RNF24: variants seen among roughly 807,000 people sequenced by gnomAD.
RNF24 encodes ring finger protein 24.
In RNF24, 14 loss-of-function variants were observed where a neutral mutation model predicts 20.0. The observed-to-expected ratio is 0.70, with a 90% CI of 0.46 to 1.10. RNF24 has a LOEUF of 1.10. Among genes scored for constraint, RNF24 ranks in the 50% least tolerant of loss-of-function variants. The pLI, the probability that RNF24 is intolerant of heterozygous loss-of-function variation, is 0.00. For missense variants in RNF24, 124 were observed against 177.6 expected (o/e 0.70, Z 1.71); for synonymous variants, 45 against 61.1 (o/e 0.74, Z 1.23).
chr20:3,929,266 T>C lies in RNF24; in HGVS notation c.*4797A>G, dbSNP rs988956649. On this transcript the variant is annotated 3_prime_UTR_variant, in exon 6 of 6. Coordinates refer to ENST00000358395, the MANE Select transcript of RNF24 (RefSeq NM_001134337.3). ...AATAATTACGAAAATTAGCCAGGTG[T>C]GCTGGTGTGCACCTGTAGACGCAGC... The C allele has an allele frequency of 6.6e-6, 1 of 152,304 alleles. No homozygotes were observed. Among genetic ancestry groups the C allele is most frequent in the Non-Finnish European group, 1.5e-5 (1 of 68,114 alleles). The allele number at this position is 152,304 out of a possible 1,614,324, so 9.4% of individuals were successfully genotyped here. A position where few individuals can be genotyped will look rare whatever the true frequency, so the allele number is the denominator to read the frequency against.
At chr20:3,980,657 C>T (rs77378223) in intron 1 of RNF24, among the ~76,000 whole-genome samples, 1,545 of 152,106 alleles carry the variant, frequency 0.01, 17 homozygotes, top group African/African-American at 0.035. Flanking sequence ...GGAAAGCATC[C>T]CAACTCATTT....
At chr20:3,980,559 T>C (rs1979292880) in intron 1 of RNF24, among the ~76,000 whole-genome samples, 1 of 152,186 alleles carries the variant, frequency 6.6e-6, no homozygotes, top group South Asian at 2.1e-4. Context: ...AGACTACAGT[T>C]GACCATGAGT....
intron 1 of RNF24, among the ~76,000 whole-genome samples, chr20:4,014,803 G>A (rs1360038213): frequency 6.6e-6 from 1 of 150,752 alleles, no homozygotes; most frequent in Non-Finnish European, 1.5e-5. Flanking sequence ...AAACAAAGGA[G>A]GGTCCTTAAT....
At chr20:3,952,816 ATATTG>A in intron 2 of RNF24, among the ~76,000 whole-genome samples, 1 of 152,286 alleles carries the variant, frequency 6.6e-6, no homozygotes, top group African/African-American at 2.4e-5. Flanking sequence ...TTAATGTGCT[ATATTG>A]TATTGATTGC....
intron 4 of RNF24, among the ~76,000 whole-genome samples, chr20:3,942,898 C>A (rs2090974528): frequency 6.6e-6 from 1 of 151,768 alleles, no homozygotes; most frequent in Admixed American, 6.6e-5. Flanking sequence ...CTCACTGCAA[C>A]CTCTGCCTCC....
chr20:3,968,956 TA>T (rs1349048294), intron 1 of RNF24, among the ~76,000 whole-genome samples: 1 of 152,124 alleles, frequency 6.6e-6, no homozygotes, highest in Admixed American at 6.5e-5. Context: ...AGATTTATCC[TA>T]GGCCATGAGT....
intron 1 of RNF24, among the ~76,000 whole-genome samples, chr20:4,014,589 G>T (rs1982728375): frequency 6.6e-6 from 1 of 152,104 alleles, no homozygotes; most frequent in Non-Finnish European, 1.5e-5. Flanking sequence ...AAACCCACTG[G>T]TTTTACAGTG....
intron 1 of RNF24, among the ~76,000 whole-genome samples, chr20:3,986,892 G>A (rs187915685): frequency 5.7e-4 from 86 of 151,976 alleles, no homozygotes; most frequent in Non-Finnish European, 9.7e-4. Flanking sequence ...CTCGTGATCC[G>A]CCCACCTTGG....
intron 1 of RNF24, among the ~76,000 whole-genome samples, chr20:3,980,782 AT>A (rs1979312546): frequency 6.6e-6 from 1 of 152,112 alleles, no homozygotes; most frequent in South Asian, 2.1e-4. Context: ...CCTGTACAAA[AT>A]TTTAAAGATT....
chr20:3,947,920 C>T (rs1247434014), intron 3 of RNF24, among the ~76,000 whole-genome samples: 1 of 151,982 alleles, frequency 6.6e-6, no homozygotes, highest in East Asian at 1.9e-4. Flanking sequence ...GTGGCGCATG[C>T]CTGTAATCCC....
At chr20:3,965,220 A>C (rs994500158) in intron 1 of RNF24, among the ~76,000 whole-genome samples, 4 of 152,188 alleles carry the variant, frequency 2.6e-5, no homozygotes, top group Admixed American at 2.6e-4. Flanking sequence ...ATCCAAACCC[A>C]AACAAAACTC....
chr20:3,930,000 G>A lies in RNF24; in HGVS notation c.*4063C>T, dbSNP rs188726561. The stretch of plus-strand genomic sequence containing the variant: ...AGCGTTCCTTGAATACACTTGTCTG[G>A]TATCACATGAGTAGAAAAGGAGAAA... On this transcript the variant is annotated 3_prime_UTR_variant, in exon 6 of 6. Coordinates refer to ENST00000358395, the MANE Select transcript of RNF24 (RefSeq NM_001134337.3). The A allele has an allele frequency of 6.6e-6, 1 of 152,150 alleles. No individual in the cohort carries two copies. The highest frequency in any genetic ancestry group is 2.4e-5 in the African/African-American group (1 of 41,424). 9.4% of individuals were successfully genotyped at this position (152,150 alleles called of 1,614,324 possible).
At chr20:3,996,128 GGTCACAGTAC>G (rs1302104910) in intron 1 of RNF24, among the ~76,000 whole-genome samples, 1 of 152,128 alleles carries the variant, frequency 6.6e-6, no homozygotes, top group Non-Finnish European at 1.5e-5. Context: ...CTCCCAGTAA[GGTCACAGTAC>G]GTCAAGAGTT....
chr20:3,956,102 G>A lies in RNF24; in HGVS notation c.143+7773C>T, dbSNP rs1319511925. Among the ~76,000 whole-genome samples the A allele has an allele frequency of 2.0e-5, 3 of 152,026 alleles. No homozygotes were observed. In the South Asian group the frequency reaches 6.2e-4, roughly 31 times the overall value. ...AAATGGAGATAGTTACTTCTTTCTA[G>A]TTAGATGCCTTCTATTTCTTTTTCT... On this transcript the variant is annotated intron_variant, in intron 2 of 5. Transcript: ENST00000358395.
rs1425314380 is a variant in RNF24, at chr20:3,932,550, A to C, written c.*1513T>G. The C allele has an allele frequency of 1.1e-5, 2 of 181,762 alleles. No homozygotes were observed. The highest frequency in any genetic ancestry group is 2.3e-5 in the African/African-American group (1 of 42,810). 11.3% of individuals were successfully genotyped at this position (181,762 alleles called of 1,614,324 possible). On this transcript the variant is annotated 3_prime_UTR_variant, in exon 6 of 6. Transcript: ENST00000358395. ...AGGACAGGTTCCTTCTCCTAAGAGG[A>C]CAGAGGTTGGATTCCAGAAAAAAAT...
intron 1 of RNF24, among the ~76,000 whole-genome samples, chr20:3,979,745 C>T (rs1257088831): frequency 6.6e-6 from 1 of 152,086 alleles, no homozygotes; most frequent in African/African-American, 2.4e-5. Context: ...AAATCACAGA[C>T]CATTTAGAAG....
At position 3,952,681 on chromosome 20, in the gene RNF24, G is replaced by A. The variant is rs141261968; in HGVS notation, c.144-4402C>T. Reference sequence around the variant, plus strand: ...TCAATACATCACTATTAAGTATGATGTTTTCTTTAGATATTTTTTGTAGAT... The same window carrying A: ...TCAATACATCACTATTAAGTATGATATTTTCTTTAGATATTTTTTGTAGAT... On this transcript the variant is annotated intron_variant, in intron 2 of 5. Transcript: ENST00000358395. 3.4e-5 allele frequency among the ~76,000 whole-genome samples: 5 copies of A among 148,548 alleles called. No individual in the cohort carries two copies. In the East Asian group the frequency reaches 9.8e-4, roughly 29 times the overall value.
chr20:3,964,167 C>T (rs554555883), intron 1 of RNF24, 143 bp from the exon 2 acceptor site: 66 of 601,020 alleles, frequency 1.1e-4, no homozygotes, highest in Admixed American at 4.0e-4. Flanking sequence ...GCCATTCATT[C>T]ATTCATTCAC....
intron 3 of RNF24, 45 bp downstream of exon 3, chr20:3,948,192 G>T (rs754463464): frequency 2.7e-5 from 38 of 1,408,040 alleles, no homozygotes; most frequent in East Asian, 7.0e-5. Context: ...TCAGTTTTTT[G>T]GGGGGAAAAA....
Sources: allele counts gnomAD v4.1 joint callset (sites outside exome capture counted in the v4.1 genomes callset), GRCh38; gene constraint gnomAD v4.1.1; transcripts MANE v1.5; gene names NCBI Gene and HGNC (gene_info 2026-07-23, HGNC 2026-07-21).